ERBB4: variants seen among roughly 807,000 people sequenced by gnomAD.
ERBB4 encodes the protein receptor tyrosine-protein kinase erbB-4.
Under a neutral mutation model 158.0 loss-of-function variants are expected in ERBB4, and 42 were observed. The observed-to-expected ratio is 0.27, with a 90% CI of 0.21 to 0.34. The LOEUF (loss-of-function observed/expected upper bound fraction) is 0.34. Among genes scored for constraint, ERBB4 ranks in the 10% least tolerant of loss-of-function variants. The pLI, the probability that ERBB4 is intolerant of heterozygous loss-of-function variation, is 1.00. For synonymous variants in ERBB4, 583 were observed against 558.7 expected, an observed-to-expected ratio of 1.04 and a Z score of -0.61; for missense variants, 1,333 against 1,624.1, an observed-to-expected ratio of 0.82 and a Z score of 3.08.
chr2:211,759,833 G>A (rs898069636), intron 4 of ERBB4, among the ~76,000 whole-genome samples: 44 of 121,840 alleles, frequency 3.6e-4, no homozygotes, highest in African/African-American at 1.1e-3. Context: ...GTGTGTGTGT[G>A]TGTGTGTTGC....
intron 1 of ERBB4, among the ~76,000 whole-genome samples, chr2:212,335,800 C>T (rs1295668151): frequency 1.3e-5 from 2 of 151,830 alleles, no homozygotes; most frequent in African/African-American, 4.8e-5. Context: ...TATGGTGCTC[C>T]CTTTTGTTAC....
chr2:211,679,967 A>C (rs2072267784), intron 12 of ERBB4, among the ~76,000 whole-genome samples: 1 of 152,208 alleles, frequency 6.6e-6, no homozygotes, highest in Non-Finnish European at 1.5e-5. Context: ...GTCGTGAGGC[A>C]CTGCGCCAAC....
intron 1 of ERBB4, among the ~76,000 whole-genome samples, chr2:212,471,379 T>C (rs115130207): frequency 1.3e-3 from 199 of 152,112 alleles, no homozygotes; most frequent in Middle Eastern, 6.8e-3. Context: ...ACTAGACAAA[T>C]AGAAATCCAT....
At chr2:211,907,144 A>T (rs925506731) in intron 3 of ERBB4, among the ~76,000 whole-genome samples, 8 of 151,790 alleles carry the variant, frequency 5.3e-5, no homozygotes, top group African/African-American at 1.9e-4. Context: ...TCTCTTTTTA[A>T]CAGAAGCTTA....
chr2:212,170,923 C>A (rs1188864194), intron 1 of ERBB4, among the ~76,000 whole-genome samples: 2 of 152,102 alleles, frequency 1.3e-5, no homozygotes, highest in Admixed American at 1.3e-4. Context: ...CTCACAGATT[C>A]CCCACCAGGG....
chr2:211,498,775 G>C (rs764112654), intron 20 of ERBB4, among the ~76,000 whole-genome samples: 1 of 152,098 alleles, frequency 6.6e-6, no homozygotes, highest in Non-Finnish European at 1.5e-5. Context: ...ATATGCATAG[G>C]GCAGTCTTGA....
At chr2:212,474,819 A>ATTATTTTTTTTTTTT in intron 1 of ERBB4, among the ~76,000 whole-genome samples, 1 of 72,182 alleles carries the variant, frequency 1.4e-5, no homozygotes, top group Admixed American at 1.1e-4. Flanking sequence ...ACACCCGGCC[A>ATTATTTTTTTTTTTT]TTCTTTTTTT....
intron 2 of ERBB4, among the ~76,000 whole-genome samples, chr2:212,052,104 C>T (rs542844676): frequency 1.3e-5 from 2 of 152,316 alleles, no homozygotes; most frequent in African/African-American, 4.8e-5. Flanking sequence ...TCTGGGTAGG[C>T]ACCATCTAAT....
rs115740912 is a variant in ERBB4, at chr2:212,322,729, C to T, written c.83-197826G>A. 2.3e-3 allele frequency among the ~76,000 whole-genome samples: 343 copies of T among 150,398 alleles called. 4 individuals are homozygous for T. The highest frequency in any genetic ancestry group is 7.7e-3 in the African/African-American group (320 of 41,328). On this transcript the variant is annotated intron_variant, in intron 1 of 27. Transcript: ENST00000342788. Reference sequence around the variant, plus strand: ...CAGAGAAGTGGAATTCTACGAGGAACTCAATTACTAAAGAAAATGATCACT... The same window carrying T: ...CAGAGAAGTGGAATTCTACGAGGAATTCAATTACTAAAGAAAATGATCACT...
At chr2:211,574,612 A>G (rs950560130) in intron 19 of ERBB4, among the ~76,000 whole-genome samples, 14 of 152,232 alleles carry the variant, frequency 9.2e-5, no homozygotes, top group African/African-American at 2.7e-4. Context: ...GCAAGCTCCA[A>G]CATGGAGTTT....
chr2:211,863,347 A>G (rs2078117483), intron 3 of ERBB4, among the ~76,000 whole-genome samples: 1 of 152,224 alleles, frequency 6.6e-6, no homozygotes, highest in African/African-American at 2.4e-5. Flanking sequence ...AAATAAGGGA[A>G]TAAAAGCTGG....
chr2:211,729,527 G>A (rs1203631831), intron 5 of ERBB4, among the ~76,000 whole-genome samples: 2 of 151,698 alleles, frequency 1.3e-5, no homozygotes, highest in African/African-American at 2.4e-5. Flanking sequence ...ATTATTATAT[G>A]AGACTTGTAA....
chr2:211,928,611 T>C (rs1211322230), intron 3 of ERBB4, among the ~76,000 whole-genome samples: 1 of 152,190 alleles, frequency 6.6e-6, no homozygotes, highest in African/African-American at 2.4e-5. Flanking sequence ...GATACATTCA[T>C]TCTTTGCAAA....
At chr2:211,661,130 C>T (rs1203041000) in intron 15 of ERBB4, among the ~76,000 whole-genome samples, 2 of 151,778 alleles carry the variant, frequency 1.3e-5, no homozygotes, top group African/African-American at 4.8e-5. Flanking sequence ...AGATTCAAAC[C>T]TATTTTTAAA....
At chr2:212,222,183 T>C (rs1205966438) in intron 1 of ERBB4, among the ~76,000 whole-genome samples, 1 of 151,626 alleles carries the variant, frequency 6.6e-6, no homozygotes, top group African/African-American at 2.4e-5. Flanking sequence ...GCTGAATGAC[T>C]ATATTATAAC....
intron 2 of ERBB4, among the ~76,000 whole-genome samples, chr2:212,110,408 A>G (rs1030986772): frequency 6.6e-6 from 1 of 152,148 alleles, no homozygotes; most frequent in Non-Finnish European, 1.5e-5. Flanking sequence ...CATGTTAGTT[A>G]GCTTGTGCCC....
chr2:211,750,765 G>A, intron 4 of ERBB4, 61 bp from the exon 5 acceptor site: 1 of 1,384,926 alleles, frequency 7.2e-7, no homozygotes, highest in Non-Finnish European at 1.0e-6. Context: ...CCTTGACTAG[G>A]AGTAACTCCT....
chr2:212,516,156 G>A (rs1371361804), intron 1 of ERBB4, among the ~76,000 whole-genome samples: 1 of 151,800 alleles, frequency 6.6e-6, no homozygotes, highest in Admixed American at 6.6e-5. Flanking sequence ...ACACTCATGT[G>A]CACATCAAGA....
At chr2:212,320,020 C>G (rs2087485730) in intron 1 of ERBB4, among the ~76,000 whole-genome samples, 1 of 150,064 alleles carries the variant, frequency 6.7e-6, no homozygotes, top group Non-Finnish European at 1.5e-5. Context: ...TTCCTCCATA[C>G]AGCCCCAAAG....
Sources: allele counts gnomAD v4.1 joint callset (sites outside exome capture counted in the v4.1 genomes callset), GRCh38; gene constraint gnomAD v4.1.1; transcripts MANE v1.5; gene names NCBI Gene and HGNC (gene_info 2026-07-23, HGNC 2026-07-21).